The following RAB6A variants were observed in gnomAD, a reference collection of about 807,000 sequenced individuals.
RAB6A encodes the protein RAB6A, member RAS oncogene family, also known as ras-related protein Rab-6A.
A neutral mutation model predicts 32.3 loss-of-function variants in RAB6A; 8 were observed. The ratio of observed to expected loss-of-function variants is 0.25; its 90% CI spans 0.15 to 0.45. The LOEUF is 0.45. RAB6A is among the 20% of genes least tolerant of loss of function. The pLI, the probability that RAB6A is intolerant of heterozygous loss-of-function variation, is 1.00. For synonymous variants in RAB6A, 73 were observed against 82.1 expected (o/e 0.89, Z 0.60); for missense variants, 104 against 249.4 (o/e 0.42, Z 3.93).
At chr11:73,737,528 A>C (rs1487431969) in intron 1 of RAB6A, among the ~76,000 whole-genome samples, 1 of 152,172 alleles carries the variant, frequency 6.6e-6, no homozygotes, top group Non-Finnish European at 1.5e-5. Flanking sequence ...AATCATTATA[A>C]CATATGGCAA....
intron 6 of RAB6A, among the ~76,000 whole-genome samples, chr11:73,701,336 T>TA (rs999970101): frequency 9.9e-5 from 15 of 152,248 alleles, no homozygotes; most frequent in African/African-American, 2.6e-4. Context: ...ACAACGGTAA[T>TA]AACAGGCATG....
At chr11:73,687,078 A>G (rs1312105363) in intron 6 of RAB6A, among the ~76,000 whole-genome samples, 1 of 152,082 alleles carries the variant, frequency 6.6e-6, no homozygotes, top group Non-Finnish European at 1.5e-5. Flanking sequence ...ACCTACTACA[A>G]TATGGATGCA....
intron 6 of RAB6A, among the ~76,000 whole-genome samples, chr11:73,682,166 T>G (rs1025343835): frequency 1.3e-5 from 2 of 152,146 alleles, no homozygotes; most frequent in African/African-American, 4.8e-5. Flanking sequence ...GAAACATAGA[T>G]AAATATTCTA....
intron 1 of RAB6A, among the ~76,000 whole-genome samples, chr11:73,747,436 A>ACCCC: frequency 7.1e-6 from 1 of 140,230 alleles, no homozygotes; most frequent in Non-Finnish European, 1.5e-5. Flanking sequence ...TGTGATCGGA[A>ACCCC]CCCCCCCCCG....
chr11:73,680,084 C>T (rs773168449), intron 6 of RAB6A, among the ~76,000 whole-genome samples: 28 of 151,950 alleles, frequency 1.8e-4, no homozygotes, highest in African/African-American at 5.1e-4. Flanking sequence ...GGCAACAGGG[C>T]GAGACTCTGT....
chr11:73,754,884 C>CA (rs34568327), intron 1 of RAB6A, among the ~76,000 whole-genome samples: 69 of 148,906 alleles, frequency 4.6e-4, no homozygotes, highest in Middle Eastern at 3.5e-3. Flanking sequence ...GGGATGCAGT[C>CA]AAAAAAAAAA....
At chr11:73,704,529 A>C (rs1945801567) in intron 6 of RAB6A, among the ~76,000 whole-genome samples, 1 of 144,368 alleles carries the variant, frequency 6.9e-6, no homozygotes, top group Admixed American at 6.9e-5. Context: ...CTAAAAATAC[A>C]AAAAAATTAG....
At chr11:73,758,598 T>C (rs1010478040) in intron 1 of RAB6A, among the ~76,000 whole-genome samples, 3 of 152,150 alleles carry the variant, frequency 2.0e-5, no homozygotes, top group Admixed American at 6.6e-5. Flanking sequence ...CATTATGCAT[T>C]AGAACATACA....
chr11:73,730,655 T>C (rs565671100), intron 2 of RAB6A, 110 bp downstream of exon 2: 495 of 838,136 alleles, frequency 5.9e-4, no homozygotes, highest in Non-Finnish European at 8.7e-4. Context: ...TTACAGATTA[T>C]AGAAAGTACT....
chr11:73,720,472 G>A (rs868245057), intron 3 of RAB6A, among the ~76,000 whole-genome samples: 24 of 152,004 alleles, frequency 1.6e-4, no homozygotes, highest in African/African-American at 4.6e-4. Context: ...GTGAGCCACC[G>A]CACCCTGCCC....
intron 1 of RAB6A, among the ~76,000 whole-genome samples, chr11:73,740,007 C>T (rs574937007): frequency 1.3e-5 from 2 of 150,282 alleles, no homozygotes; most frequent in Admixed American, 1.3e-4. Context: ...TGCAGTGAGC[C>T]GAGACTGCGC....
In RAB6A at chr11:73,716,647, C is replaced by T. The variant is rs549873993; in HGVS notation, c.290-285G>A. On this transcript the variant is annotated intron_variant, in intron 4 of 7. Coordinates refer to ENST00000336083, the MANE Select transcript of RAB6A (RefSeq NM_198896.2). ...TAGTATTTAATTGAAAAAAAAACAA[C>T]TTTTTGAAATATAAGGACAGCTATG... Among the ~76,000 whole-genome samples, 6 of 151,870 alleles carry T rather than the reference C, an allele frequency of 4.0e-5. No individual in the cohort carries two copies. The South Asian group carries it at 1.2e-3, about 32-fold the overall frequency.
intron 6 of RAB6A, among the ~76,000 whole-genome samples, chr11:73,681,980 C>A (rs12274929): frequency 0.011 from 1,635 of 152,166 alleles, 25 homozygotes; most frequent in African/African-American, 0.035. Context: ...AGGCTTTACC[C>A]CAATATTCAA....
intron 1 of RAB6A, among the ~76,000 whole-genome samples, chr11:73,755,916 G>C (rs574464835): frequency 6.6e-6 from 1 of 150,616 alleles, no homozygotes; most frequent in East Asian, 1.9e-4. Flanking sequence ...AAGAGGAGGA[G>C]GAGAAAGAAG....
At chr11:73,691,511 T>C (rs920666723) in intron 6 of RAB6A, among the ~76,000 whole-genome samples, 4 of 152,338 alleles carry the variant, frequency 2.6e-5, no homozygotes, top group African/African-American at 4.8e-5. Flanking sequence ...CTGATTGTAA[T>C]AGCCTATTTT....
intron 1 of RAB6A, among the ~76,000 whole-genome samples, chr11:73,754,595 G>A (rs1372097930): frequency 1.3e-5 from 2 of 152,140 alleles, no homozygotes; most frequent in Non-Finnish European, 2.9e-5. Flanking sequence ...TATCTGTTTG[G>A]AAAATAGTTC....
At chr11:73,679,826 T>TCACACCTGTAATCCCAGCACTTTGGG in intron 6 of RAB6A, 106 bp from the exon 7 acceptor site, 1 of 1,445,630 alleles carries the variant, frequency 6.9e-7, no homozygotes, top group South Asian at 1.1e-5. Flanking sequence ...GCGCAGTGGC[T>TCACACCTGTAATCCCAGCACTTTGGG]CACACCTGTA....
In RAB6A at chr11:73,677,863, G is replaced by C. The variant is rs1330726643; in HGVS notation, c.*35C>G. ...GAAAGAGTAAGGGGGCCAAAGCAGTGAGCTTCTGAAGAAGGTTGAAGATGA... is the reference window on the plus strand; with the variant it reads ...GAAAGAGTAAGGGGGCCAAAGCAGTCAGCTTCTGAAGAAGGTTGAAGATGA... On this transcript the variant is annotated 3_prime_UTR_variant, in exon 8 of 8. Coordinates refer to ENST00000336083, the MANE Select transcript of RAB6A (RefSeq NM_198896.2). 8 of 1,613,450 alleles carry C rather than the reference G, an allele frequency of 5.0e-6. No individual in the cohort carries two copies. In the Admixed American group the frequency reaches 1.3e-4, roughly 27 times the overall value.
intron 5 of RAB6A, among the ~76,000 whole-genome samples, chr11:73,715,209 C>T (rs1946035014): frequency 1.3e-5 from 2 of 152,106 alleles, no homozygotes; most frequent in South Asian, 4.1e-4. Context: ...TCACTGCAAC[C>T]TCCGCTCCCC....
Sources: gnomAD v4.1 joint callset for allele counts (sites outside exome capture counted in the v4.1 genomes callset) on GRCh38, gnomAD v4.1.1 for gene constraint, MANE v1.5 for transcripts, NCBI Gene and HGNC (gene_info 2026-07-23, HGNC 2026-07-21) for gene names.